FHIT: variants seen among roughly 807,000 people sequenced by gnomAD.
FHIT encodes the protein fragile histidine triad diadenosine triphosphatase.
FHIT carries 19 observed loss-of-function variants against 17.9 expected under a neutral mutation model. That is an observed-to-expected ratio of 1.06 (90% CI 0.74 to 1.56). The LOEUF (loss-of-function observed/expected upper bound fraction) is 1.56, where lower values mean the gene tolerates loss of function less well. Ranked by LOEUF, FHIT falls within the 40% of genes most tolerant of loss-of-function variation. FHIT has a pLI of 0.00. For missense variants in FHIT, 248 were observed against 189.2 expected (o/e 1.31, Z -1.82); for synonymous variants, 81 against 69.7 (o/e 1.16, Z -0.81).
intron 8 of FHIT, among the ~76,000 whole-genome samples, chr3:59,902,898 T>C (rs76593339): frequency 0.022 from 3,380 of 152,300 alleles, 59 homozygotes; most frequent in Middle Eastern, 0.078. Context: ...CTAATGATAA[T>C]ATATTGTATA....
chr3:61,004,637 C>A (rs990225378), intron 3 of FHIT, among the ~76,000 whole-genome samples: 11 of 152,062 alleles, frequency 7.2e-5, no homozygotes, highest in South Asian at 4.1e-4. Flanking sequence ...TCAAAGGGAC[C>A]CCACAGGGAG....
At chr3:60,162,966 C>T (rs1370655382) in intron 5 of FHIT, among the ~76,000 whole-genome samples, 1 of 152,186 alleles carries the variant, frequency 6.6e-6, no homozygotes, top group African/African-American at 2.4e-5. Context: ...GAGTACAGAG[C>T]ACCCCTGTTT....
chr3:60,914,359 T>C (rs1236477949), intron 3 of FHIT, among the ~76,000 whole-genome samples: 1 of 151,946 alleles, frequency 6.6e-6, no homozygotes, highest in Non-Finnish European at 1.5e-5. Flanking sequence ...ATAACAGAAA[T>C]GATGTCCTAA....
intron 8 of FHIT, among the ~76,000 whole-genome samples, chr3:59,783,516 A>G (rs996348991): frequency 1.3e-5 from 2 of 152,148 alleles, no homozygotes; most frequent in African/African-American, 4.8e-5. Context: ...GTCCCAATAG[A>G]AGCACTTGCC....
At chr3:60,674,657 T>C (rs1341455200) in intron 4 of FHIT, among the ~76,000 whole-genome samples, 3 of 152,224 alleles carry the variant, frequency 2.0e-5, no homozygotes, top group Non-Finnish European at 4.4e-5. Context: ...CAGGTCTCAC[T>C]CCTGAGGCTG....
intron 5 of FHIT, among the ~76,000 whole-genome samples, chr3:60,476,371 G>A (rs764555831): frequency 2.6e-5 from 4 of 152,114 alleles, no homozygotes; most frequent in African/African-American, 7.2e-5. Context: ...GGGAATAAAC[G>A]CAAACGTCCA....
chr3:60,068,844 G>T (rs148358397), intron 5 of FHIT, among the ~76,000 whole-genome samples: 2 of 152,000 alleles, frequency 1.3e-5, no homozygotes, highest in African/African-American at 4.8e-5. Context: ...AAAATTAGAC[G>T]GTCCTAAGAA....
At chr3:60,494,894 T>C (rs1464090174) in intron 5 of FHIT, among the ~76,000 whole-genome samples, 5 of 152,212 alleles carry the variant, frequency 3.3e-5, no homozygotes, top group Non-Finnish European at 5.9e-5. Flanking sequence ...ACACTTAGGT[T>C]GCTTCCAAAT....
intron 5 of FHIT, among the ~76,000 whole-genome samples, chr3:60,183,888 T>A (rs781411118): frequency 6.6e-6 from 1 of 152,188 alleles, no homozygotes; most frequent in Non-Finnish European, 1.5e-5. Context: ...AGAGTTCCCA[T>A]ATATGCCACA....
At chr3:61,203,778 G>C (rs1163678998) in intron 1 of FHIT, among the ~76,000 whole-genome samples, 1 of 152,184 alleles carries the variant, frequency 6.6e-6, no homozygotes, top group East Asian at 1.9e-4. Flanking sequence ...ACTACTTAAG[G>C]CATTAAAGAT....
chr3:60,235,619 T>A (rs1180115075), intron 5 of FHIT, among the ~76,000 whole-genome samples: 1 of 152,186 alleles, frequency 6.6e-6, no homozygotes, highest in South Asian at 2.1e-4. Context: ...TTAACCTCAA[T>A]GTGAACATAC....
chr3:59,940,101 A>G (rs1211489023), intron 7 of FHIT, among the ~76,000 whole-genome samples: 1 of 152,148 alleles, frequency 6.6e-6, no homozygotes. Context: ...AACACCTCAG[A>G]GCTTCAGATT....
intron 5 of FHIT, among the ~76,000 whole-genome samples, chr3:60,284,571 A>G (rs1707627063): frequency 1.3e-5 from 2 of 152,074 alleles, no homozygotes; most frequent in South Asian, 2.1e-4. Context: ...ATACTTACAT[A>G]AAGAGCTACA....
chr3:59,978,818 A>G (rs1280145331), intron 7 of FHIT, among the ~76,000 whole-genome samples: 1 of 151,642 alleles, frequency 6.6e-6, no homozygotes, highest in Non-Finnish European at 1.5e-5. Flanking sequence ...GGACCTTAAA[A>G]AAAGGCTAAA....
chr3:60,839,576 A>T (rs138714249), intron 3 of FHIT, among the ~76,000 whole-genome samples: 4 of 152,284 alleles, frequency 2.6e-5, no homozygotes, highest in African/African-American at 9.6e-5. Flanking sequence ...AAATTTTCCA[A>T]TGACAGTGGC....
chr3:59,919,056 G>T (rs571755049), intron 8 of FHIT, among the ~76,000 whole-genome samples: 24 of 152,268 alleles, frequency 1.6e-4, no homozygotes, highest in African/African-American at 5.5e-4. Flanking sequence ...TGTTTCACTA[G>T]GCAGTCACCC....
chr3:60,752,678 C>T (rs1339070753), intron 4 of FHIT, among the ~76,000 whole-genome samples: 1 of 152,150 alleles, frequency 6.6e-6, no homozygotes, highest in Non-Finnish European at 1.5e-5. Flanking sequence ...TGAGTGTTTG[C>T]TGTTGGAGCG....
At position 60,187,925 on chromosome 3, in the gene FHIT, T is replaced by G. The variant is rs181010282; in HGVS notation, c.104-173773A>C. ...ATTCTACCTATTTATGTGGGGATTT[T>G]TATATATTATGGTTCTAGGATGAAT... On this transcript the variant is annotated intron_variant, in intron 5 of 9. Coordinates refer to ENST00000492590, the MANE Select transcript of FHIT (RefSeq NM_002012.4). 4.0e-3 allele frequency among the ~76,000 whole-genome samples: 616 copies of G among 152,282 alleles called. 4 individuals carry two copies. Among genetic ancestry groups the G allele is most frequent in the Non-Finnish European group, 4.1e-3 (279 of 68,030 alleles).
chr3:60,179,969 A>G (rs1004326282), intron 5 of FHIT, among the ~76,000 whole-genome samples: 1 of 152,216 alleles, frequency 6.6e-6, no homozygotes, highest in African/African-American at 2.4e-5. Context: ...GAGGAATTAG[A>G]GCCCAACCTT....
Sources: gnomAD v4.1 joint callset for allele counts (sites outside exome capture counted in the v4.1 genomes callset) on GRCh38, gnomAD v4.1.1 for gene constraint, MANE v1.5 for transcripts, NCBI Gene and HGNC (gene_info 2026-07-23, HGNC 2026-07-21) for gene names.